FOXP2: variants seen among roughly 807,000 people sequenced by gnomAD.
FOXP2 encodes the protein forkhead box P2, also known as forkhead box protein P2.
Under a neutral mutation model 115.8 loss-of-function variants are expected in FOXP2, and 12 were observed. The ratio of observed to expected loss-of-function variants is 0.10; its 90% CI spans 0.07 to 0.17. The LOEUF (loss-of-function observed/expected upper bound fraction) is 0.17, where lower values mean the gene tolerates loss of function less well. FOXP2 is among the 10% of genes least tolerant of loss of function. The probability of loss-of-function intolerance (pLI) is 1.00; values close to 1 mark genes in which losing one functional copy is unlikely to be tolerated. For missense variants in FOXP2, 629 were observed against 843.5 expected, an observed-to-expected ratio of 0.75 and a Z score of 3.15; for synonymous variants, 328 against 297.7, an observed-to-expected ratio of 1.10 and a Z score of -1.05.
chr7:114,329,837 T>G (rs1797655888), intron 2 of FOXP2, among the ~76,000 whole-genome samples: 1 of 151,624 alleles, frequency 6.6e-6, no homozygotes, highest in African/African-American at 2.4e-5. Flanking sequence ...CCACCATACC[T>G]GGCTAATTTT....
chr7:114,140,700 G>A (rs949423458), intron 1 of FOXP2, among the ~76,000 whole-genome samples: 5 of 152,130 alleles, frequency 3.3e-5, no homozygotes, highest in East Asian at 1.9e-4. Context: ...TACTCATGCC[G>A]CCACACACAA....
At chr7:114,444,237 T>G (rs1235286460) in intron 2 of FOXP2, among the ~76,000 whole-genome samples, 2 of 152,190 alleles carry the variant, frequency 1.3e-5, no homozygotes, top group Non-Finnish European at 2.9e-5. Context: ...GCCTTACTCT[T>G]GACTCTCGGT....
chr7:114,247,176 A>G (rs745814723), intron 1 of FOXP2, among the ~76,000 whole-genome samples: 15 of 152,262 alleles, frequency 9.9e-5, no homozygotes, highest in Non-Finnish European at 2.1e-4. Flanking sequence ...ATTCTCCTAT[A>G]TCTTCCTTAT....
intron 2 of FOXP2, among the ~76,000 whole-genome samples, chr7:114,528,218 C>G (rs1422491815): frequency 6.6e-6 from 1 of 151,914 alleles, no homozygotes; most frequent in Non-Finnish European, 1.5e-5. Context: ...TTCTTTGTTC[C>G]TACTTGGCAT....
chr7:114,158,383 T>C (rs899227176), upstream of FOXP2, among the ~76,000 whole-genome samples: 1 of 151,966 alleles, frequency 6.6e-6, no homozygotes, highest in Admixed American at 6.6e-5. Context: ...AATATGAACT[T>C]AGTTGTTAAA....
intron 4 of FOXP2, chr7:114,629,479 G>A (rs1804770912): frequency 5.7e-6 from 5 of 877,472 alleles, no homozygotes; most frequent in Admixed American, 2.6e-5. Flanking sequence ...TCTTACAACT[G>A]GTAGAGTATA....
chr7:114,486,948 A>G (rs1166826214), intron 2 of FOXP2, among the ~76,000 whole-genome samples: 1 of 152,138 alleles, frequency 6.6e-6, no homozygotes, highest in Non-Finnish European at 1.5e-5. Context: ...TTCTAGGTGC[A>G]CAGTGCAAAC....
chr7:114,580,033 G>A (rs868834187), intron 3 of FOXP2, among the ~76,000 whole-genome samples: 2 of 152,300 alleles, frequency 1.3e-5, no homozygotes, highest in Middle Eastern at 3.4e-3. Context: ...TTATTGTATA[G>A]GCTAATGCCA....
intron 2 of FOXP2, among the ~76,000 whole-genome samples, chr7:114,448,385 T>C (rs529746143): frequency 1.3e-5 from 2 of 152,206 alleles, no homozygotes; most frequent in Admixed American, 6.6e-5. Context: ...TAAGCTTTAG[T>C]TTATATTGTA....
At chr7:114,124,994 C>T (rs1791668697) in intron 1 of FOXP2, among the ~76,000 whole-genome samples, 2 of 152,220 alleles carry the variant, frequency 1.3e-5, no homozygotes, top group East Asian at 3.9e-4. Context: ...CAGCAATGCA[C>T]AGCTAGAAAG....
At chr7:114,211,502 T>C (rs1455967319) in intron 1 of FOXP2, among the ~76,000 whole-genome samples, 1 of 152,232 alleles carries the variant, frequency 6.6e-6, no homozygotes, top group Non-Finnish European at 1.5e-5. Context: ...TGGGTTGAGC[T>C]GTTTGCCTAG....
intron 2 of FOXP2, among the ~76,000 whole-genome samples, chr7:114,385,521 C>T (rs941493390): frequency 8.5e-5 from 13 of 152,146 alleles, no homozygotes; most frequent in Non-Finnish European, 1.5e-4. Context: ...CCTCGGCTTC[C>T]CCAAGAAAAT....
intron 8 of FOXP2, among the ~76,000 whole-genome samples, chr7:114,651,098 T>A (rs1016839484): frequency 2.6e-5 from 4 of 152,124 alleles, no homozygotes; most frequent in African/African-American, 9.7e-5. Context: ...TTTGAATGGA[T>A]ACAAAAATAT....
intron 2 of FOXP2, among the ~76,000 whole-genome samples, chr7:114,531,929 T>C (rs191057741): frequency 1.3e-5 from 2 of 152,072 alleles, no homozygotes; most frequent in East Asian, 3.9e-4. Context: ...ATTCCATTGA[T>C]TACATGGGTT....
At chr7:114,179,142 T>G (rs1419603369) in intron 1 of FOXP2, among the ~76,000 whole-genome samples, 1 of 151,958 alleles carries the variant, frequency 6.6e-6, no homozygotes, top group Non-Finnish European at 1.5e-5. Flanking sequence ...AGTTGTAAAA[T>G]CATGTTGCTA....
At chr7:114,596,236 G>T (rs1441775180) in intron 3 of FOXP2, among the ~76,000 whole-genome samples, 3 of 151,990 alleles carry the variant, frequency 2.0e-5, no homozygotes, top group African/African-American at 7.2e-5. Context: ...TCCTTGGAGT[G>T]GTTTTTCATT....
chr7:114,320,767 C>T (rs974181564), intron 2 of FOXP2, among the ~76,000 whole-genome samples: 2 of 152,140 alleles, frequency 1.3e-5, no homozygotes, highest in African/African-American at 4.8e-5. Flanking sequence ...TACGGCCCCT[C>T]CCTGCAGAGG....
At chr7:114,441,171 G>A (rs1345836262) in intron 2 of FOXP2, among the ~76,000 whole-genome samples, 3 of 152,114 alleles carry the variant, frequency 2.0e-5, no homozygotes, top group Admixed American at 2.0e-4. Flanking sequence ...TGTTCGGCTG[G>A]GTGTGGTGGC....
intron 2 of FOXP2, among the ~76,000 whole-genome samples, chr7:114,357,205 G>A (rs896152597): frequency 2.6e-5 from 4 of 152,028 alleles, no homozygotes; most frequent in African/African-American, 4.8e-5. Context: ...AGTACTTATC[G>A]TTACATATAT....
Sources: allele counts gnomAD v4.1 joint callset (sites outside exome capture counted in the v4.1 genomes callset), GRCh38; gene constraint gnomAD v4.1.1; transcripts MANE v1.5; gene names NCBI Gene and HGNC (gene_info 2026-07-23, HGNC 2026-07-21).